Variants in FLNB observed in about 807,000 individuals in gnomAD.
FLNB encodes the protein filamin B, also known as filamin-B.
Under a neutral mutation model 250.6 loss-of-function variants are expected in FLNB, and 111 were observed. That is an observed-to-expected ratio of 0.44 (90% CI 0.38 to 0.52). The LOEUF (loss-of-function observed/expected upper bound fraction) is 0.52, where lower values mean the gene tolerates loss of function less well. Among genes scored for constraint, FLNB ranks in the 20% least tolerant of loss-of-function variants. The pLI is 0.00. For synonymous variants in FLNB, 1,302 were observed against 1,372.1 expected (o/e 0.95, Z 1.13); for missense variants, 2,869 against 3,447.8 (o/e 0.83, Z 4.20).
intron 1 of FLNB, among the ~76,000 whole-genome samples, chr3:58,056,003 C>T (rs565354576): frequency 2.6e-5 from 4 of 151,822 alleles, no homozygotes; most frequent in Non-Finnish European, 4.4e-5. Flanking sequence ...GGTGATAAAA[C>T]GACAGGTGCT....
chr3:58,150,668 G>T, intron 38 of FLNB: 1 of 259,036 alleles, frequency 3.9e-6, no homozygotes, highest in East Asian at 1.0e-4. Context: ...AGAACTCGCT[G>T]GGCCACATCT....
chr3:58,010,002 C>G (rs1362947043), intron 1 of FLNB, among the ~76,000 whole-genome samples: 1 of 152,088 alleles, frequency 6.6e-6, no homozygotes, highest in Non-Finnish European at 1.5e-5. Flanking sequence ...AACGTGTGTA[C>G]ACACATAGCA....
chr3:58,087,117 CAAA>C (rs2097218585), intron 4 of FLNB, among the ~76,000 whole-genome samples: 2 of 151,868 alleles, frequency 1.3e-5, no homozygotes, highest in African/African-American at 4.8e-5. Flanking sequence ...CTCAAACAAA[CAAA>C]CAAACAAATA....
Position 58,168,661 on chromosome 3 carries a change from A to G in FLNB, c.7417+3A>G. On this transcript the variant is annotated splice_donor_region_variant and intron_variant, in intron 44 of 45. Transcript: ENST00000295956. ...TCCCTTCAAGGCCAAGGTGACAGGTAACGAACAACCACCTTCGGAGTTACT... is the reference window on the plus strand; with the variant it reads ...TCCCTTCAAGGCCAAGGTGACAGGTGACGAACAACCACCTTCGGAGTTACT... The G allele has an allele frequency of 1.2e-6, 2 of 1,607,550 alleles. No individual in the cohort carries two copies. Among genetic ancestry groups the G allele is most frequent in the Non-Finnish European group, 1.7e-6 (2 of 1,174,596 alleles).
intron 4 of FLNB, among the ~76,000 whole-genome samples, chr3:58,091,777 G>T (rs186484543): frequency 1.5e-4 from 23 of 152,276 alleles, no homozygotes; most frequent in African/African-American, 5.5e-4. Flanking sequence ...GCACTCCTGG[G>T]TCACCTACTG....
chr3:58,120,336 G>A (rs948425561), intron 19 of FLNB, among the ~76,000 whole-genome samples: 1 of 152,222 alleles, frequency 6.6e-6, no homozygotes, highest in Non-Finnish European at 1.5e-5. Flanking sequence ...GAAAAGCAGG[G>A]TGCCAATTAG....
intron 1 of FLNB, among the ~76,000 whole-genome samples, chr3:58,040,471 G>A (rs1260163810): frequency 6.6e-6 from 1 of 152,162 alleles, no homozygotes; most frequent in Admixed American, 6.5e-5. Flanking sequence ...AGGGTGTAAA[G>A]GGTAGGTCTG....
intron 4 of FLNB, among the ~76,000 whole-genome samples, chr3:58,082,346 G>C (rs2097210399): frequency 6.6e-6 from 1 of 152,200 alleles, no homozygotes. Flanking sequence ...AAGCACACTA[G>C]CTTTGTGAAG....
rs112330652 is a variant in FLNB, at chr3:58,159,619, G to A, written c.6954G>A (p.Lys2318=). Residue 2318 remains lysine (K), a synonymous_variant, in exon 42 of 46, where the codon AAG becomes AAA. Coordinates refer to ENST00000295956, the MANE Select transcript of FLNB (RefSeq NM_001457.4). ...FAIRLNGAKG[K]IDAKVHSPSG... ...TAAGGTTGAATGGCGCAAAAGGCAA[G>A]ATTGATGCAAAGGTGCACAGCCCCT... 6.8e-6 allele frequency: 11 copies of A among 1,614,118 alleles called. No individual in the cohort carries two copies. The African/African-American group carries it at 1.1e-4, about 16-fold the overall frequency.
At chr3:58,109,844 A>T in intron 15 of FLNB, 145 bp downstream of exon 15, 1 of 1,395,856 alleles carries the variant, frequency 7.2e-7, no homozygotes, top group Non-Finnish European at 1.0e-6. Context: ...TTCCTTAGTG[A>T]TATCTTTGCT....
chr3:58,022,730 A>G (rs1273196764), intron 1 of FLNB, among the ~76,000 whole-genome samples: 3 of 152,260 alleles, frequency 2.0e-5, no homozygotes, highest in Middle Eastern at 3.4e-3. Context: ...GTGTGTGGTT[A>G]TTACTCAGAT....
intron 18 of FLNB, among the ~76,000 whole-genome samples, chr3:58,118,243 G>A (rs757511035): frequency 2.0e-5 from 3 of 152,228 alleles, no homozygotes; most frequent in Admixed American, 6.5e-5. Context: ...ACATGGAAAT[G>A]GAAGTTCAGA....
At chr3:58,109,915 C>T (rs748539908) in intron 15 of FLNB, 95 bp from the exon 16 acceptor site, 1 of 1,520,812 alleles carries the variant, frequency 6.6e-7, no homozygotes, top group African/African-American at 1.4e-5. Flanking sequence ...AGAAACTTCC[C>T]AATTGCTTTT....
intron 1 of FLNB, among the ~76,000 whole-genome samples, chr3:58,025,506 G>T (rs778590631): frequency 6.6e-6 from 1 of 152,052 alleles, no homozygotes. Flanking sequence ...TCCCAGCAGC[G>T]GCAGTAAGGT....
intron 1 of FLNB, among the ~76,000 whole-genome samples, chr3:58,073,099 C>G (rs1002962700): frequency 6.6e-6 from 1 of 152,118 alleles, no homozygotes; most frequent in Non-Finnish European, 1.5e-5. Flanking sequence ...TGCAAGAGAT[C>G]AATGCCTTGA....
chr3:58,096,099 C>A, intron 5 of FLNB, 42 bp from the exon 6 acceptor site: 2 of 1,500,802 alleles, frequency 1.3e-6, no homozygotes, highest in Non-Finnish European at 9.3e-7. Flanking sequence ...TCCTTACTCA[C>A]ACCCGGCACC....
At chr3:58,076,361 TACAC>T (rs1248740253) in intron 1 of FLNB, among the ~76,000 whole-genome samples, 2 of 152,018 alleles carry the variant, frequency 1.3e-5, no homozygotes, top group African/African-American at 4.8e-5. Context: ...CACACACGCA[TACAC>T]ACACAATCTG....
intron 39 of FLNB, among the ~76,000 whole-genome samples, chr3:58,154,420 C>CGCCA (rs2097350146): frequency 6.6e-6 from 1 of 152,106 alleles, no homozygotes; most frequent in Non-Finnish European, 1.5e-5. Context: ...CGGCATGAGC[C>CGCCA]TGTAGTCTCA....
At chr3:58,161,030 A>G (rs2097360729) in intron 42 of FLNB, among the ~76,000 whole-genome samples, 1 of 152,136 alleles carries the variant, frequency 6.6e-6, no homozygotes, top group Non-Finnish European at 1.5e-5. Context: ...ATTTAGATCT[A>G]TGTTTCCTAG....
Sources: gnomAD v4.1 joint callset for allele counts (sites outside exome capture counted in the v4.1 genomes callset) on GRCh38, gnomAD v4.1.1 for gene constraint, MANE v1.5 for transcripts, NCBI Gene and HGNC (gene_info 2026-07-23, HGNC 2026-07-21) for gene names.